The following TFRC variants were observed in gnomAD, a reference collection of about 807,000 sequenced individuals.
The protein encoded by TFRC is transferrin receptor protein 1.
A neutral mutation model predicts 85.8 loss-of-function variants in TFRC; 35 were observed. That is an observed-to-expected ratio of 0.41 (90% confidence interval 0.31 to 0.54). The LOEUF (loss-of-function observed/expected upper bound fraction) is 0.54, where lower values mean the gene tolerates loss of function less well. TFRC is among the 20% of genes least tolerant of loss of function. The probability of loss-of-function intolerance (pLI) is 0.31; values close to 1 mark genes in which losing one functional copy is unlikely to be tolerated. For synonymous variants in TFRC, 362 were observed against 328.6 expected (o/e 1.10, Z -1.10); for missense variants, 828 against 921.5 (o/e 0.90, Z 1.31).
rs200591502 is a variant in TFRC at position 196,065,619 on chromosome 3, C to A, written c.1041-19G>T. On this transcript the variant is annotated intron_variant, in intron 9 of 18. Transcript: ENST00000360110. ...CATATTCCTAGAATCAGAAAGCAGG[C>A]GTAAGTTCTGAGTTATTGTTCCTTG... The A allele has an allele frequency of 4.0e-5, 64 of 1,586,616 alleles. No individual in the cohort carries two copies. The African/African-American group carries it at 8.4e-4, about 21-fold the overall frequency.
At chr3:196,069,116 T>A (rs537273650) in intron 7 of TFRC, among the ~76,000 whole-genome samples, 55 of 152,218 alleles carry the variant, frequency 3.6e-4, no homozygotes, top group African/African-American at 1.3e-3. Context: ...CCACTTTTTT[T>A]AAAAATGCAG....
In TFRC at chr3:196,069,510, G is replaced by A; in HGVS notation, c.746C>T (p.Pro249Leu). Residue 249 changes from proline (P) to leucine (L), a missense_variant, in exon 7 of 19, where the codon CCT (proline) becomes CTT (leucine). Physicochemically the swap from Pro to Leu is moderately conservative, Grantham distance 98. Transcript: ENST00000360110. ...GACAATCACTATAGATCCATTCACA[G>A]GAGTGTATAAATCCTCAAAATCTTT... ...TKKDFEDLYT[P>L]VNGSIVIVRA... is the part of the protein sequence containing the mutation. 6.2e-7 allele frequency: 1 copy of A among 1,613,614 alleles called. No homozygotes were observed. The highest frequency in any genetic ancestry group is 2.2e-5 in the East Asian group (1 of 44,822).
Position 196,050,297 on chromosome 3 carries a change from A to C in TFRC, c.*1645T>G, listed in dbSNP as rs1716205960. ...TAACAAAAACCCAAGCTAAATTTCA[A>C]ATTTTGTAGTAATTTCATTTTACAG... is the stretch of plus-strand genomic sequence containing the variant. On this transcript the variant is annotated 3_prime_UTR_variant, in exon 19 of 19. Transcript: ENST00000360110. The C allele has an allele frequency of 4.5e-6, 1 of 220,722 alleles. No homozygotes were observed. Among genetic ancestry groups the C allele is most frequent in the African/African-American group, 2.2e-5 (1 of 44,786 alleles). 13.7% of individuals were successfully genotyped at this position (220,722 alleles called of 1,614,324 possible). A position where few individuals can be genotyped will look rare whatever the true frequency, so the allele number is the denominator to read the frequency against.
In TFRC at chr3:196,049,956, C is replaced by A. The variant is rs17091382; in HGVS notation, c.*1986G>T. 0.023 allele frequency: 5,275 copies of A among 231,264 alleles called. 262 individuals are homozygous for A. The highest frequency in any genetic ancestry group is 0.11 in the African/African-American group (4,940 of 45,278). The allele number at this position is 231,264 out of a possible 1,614,324, so 14.3% of individuals were successfully genotyped here. A position where few individuals can be genotyped will look rare whatever the true frequency, so the allele number is the denominator to read the frequency against. On this transcript the variant is annotated 3_prime_UTR_variant, in exon 19 of 19. Coordinates refer to ENST00000360110, the MANE Select transcript of TFRC (RefSeq NM_001128148.3). The stretch of plus-strand genomic sequence containing the variant: ...AACTGCCCTATGACAAACAGCTGAT[C>A]ATCACGTTTATAATGATGGTTCACT...
In TFRC at chr3:196,062,887, G is replaced by C; in HGVS notation, c.1371C>G (p.Asp457Glu). ...ATTCAGTGGCACCAACCGATCCAAA[G>C]TCTCCAGCACTCCAACTGGCAAAGA... is the stretch of plus-strand genomic sequence containing the variant. ...SIIFASWSAG[D>E]FGSVGATEWL... The change falls in exon 12 of 19, where the codon GAC becomes GAG. Residue 457 changes from aspartate (D) to glutamate (E), a missense_variant. Physicochemically the swap from Asp to Glu is conservative, Grantham distance 45 (BLOSUM62 2). Coordinates refer to ENST00000360110, the MANE Select transcript of TFRC (RefSeq NM_001128148.3). 1 of 1,614,088 alleles carries C rather than the reference G, an allele frequency of 6.2e-7. No homozygotes were observed. Among genetic ancestry groups the C allele is most frequent in the Non-Finnish European group, 8.5e-7 (1 of 1,180,022 alleles).
chr3:196,064,634 T>C (rs1717564191), intron 10 of TFRC, among the ~76,000 whole-genome samples: 2 of 152,364 alleles, frequency 1.3e-5, no homozygotes, highest in African/African-American at 4.8e-5. Context: ...ACTTTTTTCC[T>C]ACACTACTAA....
At chr3:196,064,158 G>T in intron 11 of TFRC, 151 bp downstream of exon 11, 1 of 821,286 alleles carries the variant, frequency 1.2e-6, no homozygotes, top group Non-Finnish European at 1.7e-6. Context: ...GGAAAAGGCA[G>T]CTACAACAAA....
In TFRC at chr3:196,071,364, A is replaced by C. The variant is rs1277768190; in HGVS notation, c.687+32T>G. ...ATGAGTTTTGAATGATTCAATAGGGAAGAGTCTCATGCACTGTTTTGCTTT... is the reference window on the plus strand; with the variant it reads ...ATGAGTTTTGAATGATTCAATAGGGCAGAGTCTCATGCACTGTTTTGCTTT... On this transcript the variant is annotated intron_variant, in intron 6 of 18. Transcript: ENST00000360110. The C allele has an allele frequency of 8.5e-6, 13 of 1,538,454 alleles. No individual in the cohort carries two copies. In the East Asian group the frequency reaches 2.5e-4, roughly 29 times the overall value.
intron 1 of TFRC, 25 bp from the exon 2 acceptor site, chr3:196,077,147 T>A: frequency 6.4e-7 from 1 of 1,567,160 alleles, no homozygotes; most frequent in Non-Finnish European, 8.8e-7. Context: ...AGAGAATTAT[T>A]GAGAAAGATA....
chr3:196,070,545 G>A (rs970264179), intron 6 of TFRC, among the ~76,000 whole-genome samples: 1 of 151,016 alleles, frequency 6.6e-6, no homozygotes, highest in Non-Finnish European at 1.5e-5. Context: ...GAGCCACCAC[G>A]CCCAGCCACA....
chr3:196,058,688 C>A (rs1335778067), intron 14 of TFRC, 56 bp from the exon 15 acceptor site: 13 of 1,283,784 alleles, frequency 1.0e-5, no homozygotes, highest in Non-Finnish European at 1.4e-5. Context: ...TTTATTCAGG[C>A]TAGTCACTAA....
rs1219011610 is a variant in TFRC at position 196,050,923 on chromosome 3, G to C, written c.*1019C>G. On this transcript the variant is annotated 3_prime_UTR_variant, in exon 19 of 19. Coordinates refer to ENST00000360110, the MANE Select transcript of TFRC (RefSeq NM_001128148.3). ...AATGCAAAACTTCCAGTATCTGTTG[G>C]GTTTTATTAGCAGATGCTGCTTTTA... is the stretch of plus-strand genomic sequence containing the variant. The C allele has an allele frequency of 2.5e-5, 5 of 200,284 alleles. No homozygotes were observed. The highest frequency in any genetic ancestry group is 1.2e-4 in the African/African-American group (5 of 43,372). 12.4% of individuals were successfully genotyped at this position (200,284 alleles called of 1,614,324 possible). A position where few individuals can be genotyped will look rare whatever the true frequency, so the allele number is the denominator to read the frequency against.
Position 196,075,352 on chromosome 3 carries a change from T to G in TFRC, c.45A>C (p.Gly15=). 1 of 1,614,138 alleles carries G rather than the reference T, an allele frequency of 6.2e-7. No homozygotes were observed. Among genetic ancestry groups the G allele is most frequent in the Non-Finnish European group, 8.5e-7 (1 of 1,180,000 alleles). Residue 15 remains glycine, a synonymous_variant, in exon 3 of 19, where the codon GGA becomes GGC. Coordinates refer to ENST00000360110, the MANE Select transcript of TFRC (RefSeq NM_001128148.3). The part of the protein sequence containing the change: ...ARSAFSNLFG[G]EPLSYTRFSL... ...TGAACCGGGTATATGACAATGGTTC[T>G]CCACCAAACTGTGTTGCGGAAAAAG...
In TFRC at chr3:196,064,335, T is replaced by C. The variant is rs1280631975; in HGVS notation, c.1292A>G (p.Gln431Arg). 3.7e-6 allele frequency: 6 copies of C among 1,613,252 alleles called. No homozygotes were observed. Among genetic ancestry groups the C allele is most frequent in the African/African-American group, 2.7e-5 (2 of 74,860 alleles). ...TTTTAAGACCATATCTGAGAACATC[T>C]GGGCAAGTTTCAATAGGAGAGCTGT... ...VGTALLLKLA[Q>R]MFSDMVLKDG... The change falls in exon 11 of 19, where the codon CAG becomes CGG. Residue 431 changes from glutamine to arginine, a missense_variant. Coordinates refer to ENST00000360110, the MANE Select transcript of TFRC (RefSeq NM_001128148.3).
At chr3:196,078,826 G>A (rs938706082) in intron 1 of TFRC, among the ~76,000 whole-genome samples, 1 of 150,944 alleles carries the variant, frequency 6.6e-6, no homozygotes, top group Non-Finnish European at 1.5e-5. Context: ...CTAGGCTGGA[G>A]TGCAATGGCA....
rs537080109 is a variant in TFRC at position 196,057,196 on chromosome 3, G to A, written c.1677+1088C>T. Among the ~76,000 whole-genome samples, 20 of 152,282 alleles carry A rather than the reference G, an allele frequency of 1.3e-4. No homozygotes were observed. In the South Asian group the frequency reaches 2.1e-3, roughly 16 times the overall value. ...CAGAGGTGGACAGCCCAGCGCTGCC[G>A]CACCCTGGTCCTGGTTAAAGATCGA... On this transcript the variant is annotated intron_variant, in intron 16 of 18. Coordinates refer to ENST00000360110, the MANE Select transcript of TFRC (RefSeq NM_001128148.3).
In TFRC at chr3:196,052,051, G is replaced by C; in HGVS notation, c.2174C>G (p.Ala725Gly). ...NLKLRKQNNG[A>G]FNETLFRNQL... ...GTTTCTGAACAGCGTTTCATTAAAAGCACCGTTATTTTGTTTACGCAGTTT... is the reference window on the plus strand; with the variant it reads ...GTTTCTGAACAGCGTTTCATTAAAACCACCGTTATTTTGTTTACGCAGTTT... Residue 725 changes from alanine to glycine, a missense_variant, in exon 19 of 19, where the codon GCT becomes GGT. By Grantham distance (60) the Ala-to-Gly change is moderately conservative (BLOSUM62 0). Coordinates refer to ENST00000360110, the MANE Select transcript of TFRC (RefSeq NM_001128148.3). 1 of 1,614,168 alleles carries C rather than the reference G, an allele frequency of 6.2e-7. No homozygotes were observed. Among genetic ancestry groups the C allele is most frequent in the Non-Finnish European group, 8.5e-7 (1 of 1,180,046 alleles).
Position 196,067,626 on chromosome 3 carries a change from G to A in TFRC, c.932C>T (p.Pro311Leu). Residue 311 changes from proline (P) to leucine (L), a missense_variant, in exon 9 of 19, where the codon CCT becomes CTT. Physicochemically the swap from Pro to Leu is moderately conservative, Grantham distance 98. Transcript: ENST00000360110. ...AGTGTGATTGAAGGAAGGGAATCCA[G>A]GTGTGTAAGGGTCACCTGTCCCCAG... Reference protein sequence around the residue: ...AHLGTGDPYTPGFPSFNHTQF... With the variant: ...AHLGTGDPYTLGFPSFNHTQF... The A allele has an allele frequency of 6.2e-7, 1 of 1,614,074 alleles. No homozygotes were observed. The highest frequency in any genetic ancestry group is 8.5e-7 in the Non-Finnish European group (1 of 1,179,994).
chr3:196,059,142 C>T lies in TFRC; in HGVS notation c.1537-510G>A, dbSNP rs140454074. Among the ~76,000 whole-genome samples, 982 of 152,228 alleles carry T rather than the reference C, an allele frequency of 6.5e-3. 9 individuals carry two copies. The highest frequency in any genetic ancestry group is 0.022 in the African/African-American group (923 of 41,542). On this transcript the variant is annotated intron_variant, in intron 14 of 18. Transcript: ENST00000360110. Reference sequence around the variant, plus strand: ...CATCCTGGCCAACATGGTGAAACCCCGTCTCTACTAAAAATACAAAAATTA... The same window carrying T: ...CATCCTGGCCAACATGGTGAAACCCTGTCTCTACTAAAAATACAAAAATTA...
Sources: gnomAD v4.1 joint callset for allele counts (sites outside exome capture counted in the v4.1 genomes callset) on GRCh38, gnomAD v4.1.1 for gene constraint, MANE v1.5 for transcripts, NCBI Gene and HGNC (gene_info 2026-07-23, HGNC 2026-07-21) for gene names.